The following GPC5 variants were observed in gnomAD, a reference collection of about 807,000 sequenced individuals.
GPC5 encodes the protein glypican-5.
In GPC5, 47 loss-of-function variants were observed where a neutral mutation model predicts 53.9. The ratio of observed to expected loss-of-function variants is 0.87; its 90% CI spans 0.69 to 1.11. The LOEUF (loss-of-function observed/expected upper bound fraction) is 1.11. Among genes scored for constraint, GPC5 ranks in the 50% most tolerant of loss-of-function variants. The probability of loss-of-function intolerance (pLI) is 0.00; values close to 1 mark genes in which losing one functional copy is unlikely to be tolerated. For synonymous variants in GPC5, 286 were observed against 263.3 expected (o/e 1.09, Z -0.84); for missense variants, 748 against 713.1 (o/e 1.05, Z -0.56).
intron 6 of GPC5, among the ~76,000 whole-genome samples, chr13:92,019,749 A>G (rs1399884114): frequency 6.6e-6 from 1 of 152,100 alleles, no homozygotes; most frequent in Admixed American, 6.5e-5. Flanking sequence ...TTGGTGGGAC[A>G]TTCCTTGGAC....
intron 7 of GPC5, among the ~76,000 whole-genome samples, chr13:92,662,835 TG>T (rs1176418043): frequency 3.3e-5 from 5 of 152,222 alleles, no homozygotes; most frequent in African/African-American, 1.2e-4. Context: ...GGGCTTTGCA[TG>T]GCAATCACAC....
intron 7 of GPC5, among the ~76,000 whole-genome samples, chr13:92,519,447 T>A (rs899441934): frequency 6.6e-6 from 1 of 152,186 alleles, no homozygotes. Flanking sequence ...CACAGTGCAA[T>A]CAAACTAGAA....
At chr13:92,547,819 C>CTTTTTTTTTTTTTTTTTTT (rs567478017) in intron 7 of GPC5, among the ~76,000 whole-genome samples, 2 of 100,448 alleles carry the variant, frequency 2.0e-5, no homozygotes, top group Non-Finnish European at 3.7e-5. Context: ...GCCTATTATT[C>CTTTTTTTTTTTTTTTTTTT]TTTTTTTTTT....
chr13:92,447,546 G>C (rs1198931295), intron 7 of GPC5: 1 of 149,848 alleles, frequency 6.7e-6, no homozygotes, highest in East Asian at 1.9e-4. Flanking sequence ...ATCAGGAAAT[G>C]AAAAAAAAAG....
intron 6 of GPC5, among the ~76,000 whole-genome samples, chr13:92,084,260 C>A (rs985067989): frequency 2.6e-5 from 4 of 152,174 alleles, no homozygotes. Flanking sequence ...ACGTCCTGCA[C>A]ATGTATCCCA....
intron 2 of GPC5, among the ~76,000 whole-genome samples, chr13:91,521,319 A>G (rs1885804088): frequency 6.6e-6 from 1 of 152,218 alleles, no homozygotes; most frequent in South Asian, 2.1e-4. Context: ...TTTAAGTTCC[A>G]CAATATTCAA....
intron 1 of GPC5, among the ~76,000 whole-genome samples, chr13:91,416,843 G>T (rs1162414767): frequency 6.6e-6 from 1 of 152,138 alleles, no homozygotes; most frequent in Non-Finnish European, 1.5e-5. Flanking sequence ...TCTTAATCCA[G>T]TCTATCATTG....
chr13:91,422,481 C>G (rs751613356), intron 1 of GPC5, among the ~76,000 whole-genome samples: 7 of 151,902 alleles, frequency 4.6e-5, no homozygotes, highest in Admixed American at 2.0e-4. Context: ...ACTAAAAATA[C>G]AAAAATTAAC....
At chr13:92,091,694 G>T (rs1469562144) in intron 6 of GPC5, among the ~76,000 whole-genome samples, 2 of 146,984 alleles carry the variant, frequency 1.4e-5, no homozygotes, top group Non-Finnish European at 3.0e-5. Context: ...TCTGTATTTT[G>T]TCAATATCCT....
At chr13:92,310,627 A>T (rs894560798) in intron 7 of GPC5, among the ~76,000 whole-genome samples, 2 of 152,192 alleles carry the variant, frequency 1.3e-5, no homozygotes, top group Non-Finnish European at 2.9e-5. Flanking sequence ...CTTTATCTGC[A>T]GACTAGCCAT....
chr13:92,020,472 A>G (rs991938843), intron 6 of GPC5, among the ~76,000 whole-genome samples: 1 of 151,952 alleles, frequency 6.6e-6, no homozygotes, highest in Non-Finnish European at 1.5e-5. Context: ...CTACCTCCTC[A>G]CCAACACTTG....
chr13:92,391,388 C>T (rs769124049), intron 7 of GPC5, among the ~76,000 whole-genome samples: 6 of 152,014 alleles, frequency 3.9e-5, no homozygotes, highest in Non-Finnish European at 7.4e-5. Flanking sequence ...GAGTAATAGG[C>T]TACAATAATA....
intron 6 of GPC5, chr13:91,995,655 A>G (rs1353554813): frequency 2.0e-5 from 3 of 152,214 alleles, no homozygotes; most frequent in Non-Finnish European, 2.9e-5. Flanking sequence ...TAATTTTTTT[A>G]GTAACAACAT....
At chr13:92,344,048 G>A in intron 7 of GPC5, among the ~76,000 whole-genome samples, 1 of 150,934 alleles carries the variant, frequency 6.6e-6, no homozygotes, top group East Asian at 2.0e-4. Flanking sequence ...TGGGGAGTGG[G>A]GAGGTTAGAA....
chr13:91,594,985 CATTTATTT>C (rs60740693), intron 2 of GPC5, among the ~76,000 whole-genome samples: 23,973 of 137,262 alleles, frequency 0.17, 2,204 homozygotes, highest in East Asian at 0.26. Context: ...TTTTTATTTA[CATTTATTT>C]ATTTATTTAT....
chr13:92,006,402 G>C (rs2040607057), intron 6 of GPC5, among the ~76,000 whole-genome samples: 1 of 152,114 alleles, frequency 6.6e-6, no homozygotes, highest in Non-Finnish European at 1.5e-5. Context: ...TTGTACTTCT[G>C]TGACAAGCAA....
At chr13:92,055,108 A>G (rs149526808) in intron 6 of GPC5, among the ~76,000 whole-genome samples, 1 of 152,320 alleles carries the variant, frequency 6.6e-6, no homozygotes, top group East Asian at 1.9e-4. Flanking sequence ...CAGAACAACT[A>G]GCAACTTTCA....
At chr13:92,231,224 G>A (rs1392477482) in intron 7 of GPC5, among the ~76,000 whole-genome samples, 1 of 152,142 alleles carries the variant, frequency 6.6e-6, no homozygotes, top group Non-Finnish European at 1.5e-5. Context: ...AACACAATTT[G>A]ATATAATGTT....
At chr13:91,918,787 T>G (rs1442009958) in intron 6 of GPC5, among the ~76,000 whole-genome samples, 1 of 152,206 alleles carries the variant, frequency 6.6e-6, no homozygotes, top group Non-Finnish European at 1.5e-5. Context: ...TATCTTTGAT[T>G]TCTTTCATTC....
Sources: allele counts gnomAD v4.1 joint callset (sites outside exome capture counted in the v4.1 genomes callset), GRCh38; gene constraint gnomAD v4.1.1; transcripts MANE v1.5; gene names NCBI Gene and HGNC (gene_info 2026-07-23, HGNC 2026-07-21).